CSMD1: variants seen among roughly 807,000 people sequenced by gnomAD.
CSMD1 encodes the protein CUB and Sushi multiple domains 1.
Under a neutral mutation model 417.5 loss-of-function variants are expected in CSMD1, and 213 were observed. The ratio of observed to expected loss-of-function variants is 0.51; its 90% confidence interval spans 0.46 to 0.57. CSMD1 has a LOEUF of 0.57. CSMD1 is among the 20% of genes least tolerant of loss of function. The pLI, the probability that CSMD1 is intolerant of heterozygous loss-of-function variation, is 0.00. For synonymous variants in CSMD1, 2,862 were observed against 1,736.8 expected (o/e 1.65, Z -16.11); for missense variants, 6,923 against 4,529.7 (o/e 1.53, Z -15.17).
At chr8:4,094,904 C>T (rs896316881) in intron 3 of CSMD1, among the ~76,000 whole-genome samples, 2 of 152,070 alleles carry the variant, frequency 1.3e-5, no homozygotes, top group African/African-American at 2.4e-5. Flanking sequence ...GAAGAGGATA[C>T]TGGAGAGACA....
chr8:3,173,378 G>C (rs775818673), intron 37 of CSMD1, among the ~76,000 whole-genome samples: 1 of 152,134 alleles, frequency 6.6e-6, no homozygotes, highest in African/African-American at 2.4e-5. Context: ...CATGGTCCTT[G>C]GTGCACTTAG....
chr8:3,047,628 G>A (rs1483017922), intron 50 of CSMD1, among the ~76,000 whole-genome samples: 2 of 152,124 alleles, frequency 1.3e-5, no homozygotes, highest in African/African-American at 2.4e-5. Context: ...CCGTCTTTTC[G>A]AAACTCTCTG....
intron 5 of CSMD1, among the ~76,000 whole-genome samples, chr8:3,849,784 G>T (rs1803765749): frequency 6.6e-6 from 1 of 151,866 alleles, no homozygotes; most frequent in East Asian, 1.9e-4. Context: ...TGTTTTTAAA[G>T]ATGATATTGT....
chr8:3,449,557 G>C (rs1190945492), intron 12 of CSMD1, among the ~76,000 whole-genome samples: 1 of 150,162 alleles, frequency 6.7e-6, no homozygotes, highest in East Asian at 2.0e-4. Flanking sequence ...CTCTCTTGTT[G>C]CCCAGGCTGG....
intron 10 of CSMD1, among the ~76,000 whole-genome samples, chr8:3,513,718 C>T (rs770986114): frequency 2.0e-5 from 3 of 152,206 alleles, no homozygotes; most frequent in Non-Finnish European, 4.4e-5. Flanking sequence ...CTACTGCCCT[C>T]ATAGTCTGTG....
intron 2 of CSMD1, among the ~76,000 whole-genome samples, chr8:4,521,299 A>C (rs1167905622): frequency 2.0e-5 from 3 of 152,318 alleles, no homozygotes; most frequent in African/African-American, 7.2e-5. Flanking sequence ...TTTTCCTTCC[A>C]GATAAATGAG....
intron 2 of CSMD1, among the ~76,000 whole-genome samples, chr8:4,477,570 T>TA (rs1800872677): frequency 6.6e-6 from 1 of 152,192 alleles, no homozygotes; most frequent in African/African-American, 2.4e-5. Flanking sequence ...CATCTTTTTT[T>TA]AAAAATTGCG....
intron 68 of CSMD1, among the ~76,000 whole-genome samples, chr8:2,945,030 AGC>A (rs1802124638): frequency 6.6e-6 from 1 of 151,956 alleles, no homozygotes; most frequent in South Asian, 2.1e-4. Context: ...ACATGCCTGC[AGC>A]TCCTAGTTAA....
chr8:2,960,929 T>C (rs1803401304), intron 62 of CSMD1, among the ~76,000 whole-genome samples: 1 of 132,044 alleles, frequency 7.6e-6, no homozygotes, highest in Admixed American at 8.1e-5. Flanking sequence ...CATTATTATC[T>C]AGTAAGCAAG....
intron 5 of CSMD1, among the ~76,000 whole-genome samples, chr8:3,865,449 G>C (rs1023368266): frequency 6.6e-6 from 1 of 152,098 alleles, no homozygotes; most frequent in African/African-American, 2.4e-5. Context: ...CAGAGGCAGA[G>C]TCACAGGTGC....
intron 3 of CSMD1, among the ~76,000 whole-genome samples, chr8:4,188,436 C>T (rs1798811352): frequency 1.3e-5 from 2 of 152,126 alleles, no homozygotes; most frequent in African/African-American, 4.8e-5. Context: ...GATACAAGTC[C>T]TGAAATCCAG....
intron 23 of CSMD1, among the ~76,000 whole-genome samples, chr8:3,329,552 G>T (rs1166793250): frequency 6.6e-6 from 1 of 152,150 alleles, no homozygotes; most frequent in East Asian, 1.9e-4. Context: ...CCTTCCCAAG[G>T]CCTATGCAAT....
chr8:3,202,878 A>C (rs988573116), intron 31 of CSMD1, among the ~76,000 whole-genome samples: 1 of 152,208 alleles, frequency 6.6e-6, no homozygotes, highest in African/African-American at 2.4e-5. Flanking sequence ...CAAAGAAGGC[A>C]TGTAGGCTAG....
chr8:3,992,923 A>C (rs536862463), intron 5 of CSMD1, among the ~76,000 whole-genome samples: 11 of 152,392 alleles, frequency 7.2e-5, no homozygotes, highest in African/African-American at 2.2e-4. Context: ...CAAAAGATTG[A>C]ATTGTTAACA....
At chr8:4,802,994 C>T (rs992346852) in intron 1 of CSMD1, among the ~76,000 whole-genome samples, 2 of 152,092 alleles carry the variant, frequency 1.3e-5, no homozygotes, top group Non-Finnish European at 2.9e-5. Context: ...GTTATTAGAG[C>T]CAGCAGTAAA....
At chr8:3,602,806 G>A (rs538351782) in intron 8 of CSMD1, among the ~76,000 whole-genome samples, 181 of 152,068 alleles carry the variant, frequency 1.2e-3, no homozygotes, top group South Asian at 2.7e-3. Context: ...TAGTCCCCGA[G>A]ATGGCATATC....
At chr8:4,547,465 A>C (rs1381925101) in intron 2 of CSMD1, among the ~76,000 whole-genome samples, 1 of 152,224 alleles carries the variant, frequency 6.6e-6, no homozygotes, top group East Asian at 1.9e-4. Flanking sequence ...AGAAACTTTC[A>C]TTATATGCAG....
intron 26 of CSMD1, among the ~76,000 whole-genome samples, chr8:3,276,299 G>A (rs1251418877): frequency 6.6e-6 from 1 of 152,178 alleles, no homozygotes; most frequent in Non-Finnish European, 1.5e-5. Flanking sequence ...CCAGCTGCAT[G>A]CTGGGAGAAC....
chr8:3,796,387 T>G (rs1243914484), intron 5 of CSMD1, among the ~76,000 whole-genome samples: 1 of 70,654 alleles, frequency 1.4e-5, no homozygotes, highest in East Asian at 3.7e-4. Context: ...TATATATATA[T>G]CTATCATGTA....
Sources: allele counts gnomAD v4.1 joint callset (sites outside exome capture counted in the v4.1 genomes callset), GRCh38; gene constraint gnomAD v4.1.1; transcripts MANE v1.5; gene names NCBI Gene and HGNC (gene_info 2026-07-23, HGNC 2026-07-21).